SAMD8: variants seen among roughly 807,000 people sequenced by gnomAD.
SAMD8 encodes the protein sterile alpha motif domain containing 8.
In SAMD8, 20 loss-of-function variants were observed where a neutral mutation model predicts 42.0. The ratio of observed to expected loss-of-function variants is 0.48; its 90% CI spans 0.34 to 0.69. The LOEUF (loss-of-function observed/expected upper bound fraction) is 0.69, where lower values mean the gene tolerates loss of function less well. Ranked by LOEUF, SAMD8 falls within the 30% of genes least tolerant of loss-of-function variation. The probability of loss-of-function intolerance (pLI) is 0.01; values close to 1 mark genes in which losing one functional copy is unlikely to be tolerated. For missense variants in SAMD8, 328 were observed against 511.6 expected (o/e 0.64, Z 3.46); for synonymous variants, 162 against 173.0 (o/e 0.94, Z 0.50).
intron 1 of SAMD8, among the ~76,000 whole-genome samples, chr10:75,117,541 C>T (rs1352620676): frequency 6.6e-6 from 1 of 152,022 alleles, no homozygotes; most frequent in East Asian, 1.9e-4. Flanking sequence ...ATGGTGAAAC[C>T]TTTTCTCTGC....
At chr10:75,140,475 C>G (rs75906512) in intron 1 of SAMD8, among the ~76,000 whole-genome samples, 4,346 of 152,282 alleles carry the variant, frequency 0.029, 230 homozygotes, top group African/African-American at 0.099. Context: ...TGTAATCCCA[C>G]CTAATCATGG....
chr10:75,112,206 C>G (rs551682412), intron 1 of SAMD8, among the ~76,000 whole-genome samples: 2 of 152,234 alleles, frequency 1.3e-5, no homozygotes, highest in East Asian at 3.9e-4. Context: ...ACGGAGCCCT[C>G]TTATCCGCCT....
At chr10:75,115,038 C>T (rs982657527) in intron 1 of SAMD8, among the ~76,000 whole-genome samples, 7 of 152,188 alleles carry the variant, frequency 4.6e-5, no homozygotes, top group African/African-American at 1.7e-4. Context: ...GAGGACTATA[C>T]TATTTCATTC....
At chr10:75,146,272 CTTTTTTTTTTTTTTTTTTT>C (rs202162176) in intron 1 of SAMD8, among the ~76,000 whole-genome samples, 1 of 68,124 alleles carries the variant, frequency 1.5e-5, no homozygotes, top group South Asian at 5.6e-4. Flanking sequence ...TGTCTTGACA[CTTTTTTTTTTTTTTTTTTT>C]TTTTTTTTTG....
In SAMD8 at chr10:75,104,148, C is replaced by A. The variant is rs139359801; in HGVS notation, c.-16+4420C>A. 28 of 1,265,326 alleles carry A rather than the reference C, an allele frequency of 2.2e-5. No homozygotes were observed. The East Asian group carries it at 1.5e-3, about 68-fold the overall frequency. The allele number at this position is 1,265,326 out of a possible 1,614,324, so 78.4% of individuals were successfully genotyped here. A position where few individuals can be genotyped will look rare whatever the true frequency, so the allele number is the denominator to read the frequency against. ...ACAGGCAGGTGAACCAAGGCCCAGG[C>A]TGGCTGGGACTTGTTGGGGCAGGGA... On this transcript the variant is annotated intron_variant, in intron 1 of 3. Transcript: ENST00000447533.
intron 2 of SAMD8, among the ~76,000 whole-genome samples, chr10:75,154,930 T>C (rs1444986549): frequency 6.6e-6 from 1 of 152,188 alleles, no homozygotes; most frequent in African/African-American, 2.4e-5. Flanking sequence ...TCTCACTCTG[T>C]TCTCCAGGCT....
chr10:75,172,520 C>T (rs1201349082), intron 4 of SAMD8, among the ~76,000 whole-genome samples: 1 of 150,606 alleles, frequency 6.6e-6, no homozygotes, highest in Admixed American at 6.6e-5. Flanking sequence ...TTTTTTTAGA[C>T]GGAGTCTTTC....
intron 1 of SAMD8, among the ~76,000 whole-genome samples, chr10:75,100,894 C>T (rs1848120037): frequency 6.6e-6 from 1 of 152,262 alleles, no homozygotes; most frequent in Admixed American, 6.5e-5. Flanking sequence ...GTGCCCAAGA[C>T]ATCGGGCAGA....
chr10:75,105,829 G>A (rs1173272258), intron 1 of SAMD8: 1 of 1,550,752 alleles, frequency 6.4e-7, no homozygotes, highest in South Asian at 1.2e-5. Context: ...CAGCGTGGCA[G>A]AGCGGCTCAC....
At chr10:75,118,619 G>A in intron 1 of SAMD8, among the ~76,000 whole-genome samples, 1 of 152,138 alleles carries the variant, frequency 6.6e-6, no homozygotes, top group East Asian at 1.9e-4. Flanking sequence ...ATTCCAGCCT[G>A]GGCGACAGAG....
intron 1 of SAMD8, among the ~76,000 whole-genome samples, chr10:75,141,477 A>C (rs550180686): frequency 6.6e-6 from 1 of 152,010 alleles, no homozygotes; most frequent in Non-Finnish European, 1.5e-5. Context: ...TTTCAACATA[A>C]ATAATCAAGT....
At chr10:75,116,794 A>C (rs960917057) in intron 1 of SAMD8, among the ~76,000 whole-genome samples, 9 of 152,106 alleles carry the variant, frequency 5.9e-5, no homozygotes, top group African/African-American at 2.2e-4. Flanking sequence ...TATATTGATT[A>C]GATTTTGGAT....
intron 4 of SAMD8, among the ~76,000 whole-genome samples, chr10:75,172,342 GTTTTT>G (rs778792347): frequency 3.3e-5 from 5 of 151,890 alleles, no homozygotes; most frequent in Non-Finnish European, 7.4e-5. Context: ...TTTAGTCATT[GTTTTT>G]TTAAGACAGA....
At chr10:75,104,655 C>T (rs1403702002) in intron 1 of SAMD8, among the ~76,000 whole-genome samples, 1 of 152,178 alleles carries the variant, frequency 6.6e-6, no homozygotes, top group African/African-American at 2.4e-5. Context: ...AGACCTTCTA[C>T]CCACAGAGCT....
upstream of SAMD8, chr10:75,107,879 A>G: frequency 7.7e-7 from 1 of 1,293,808 alleles, no homozygotes. Context: ...ACACGGCCTA[A>G]GCAGAGGATT....
chr10:75,116,529 G>C (rs1313876184), intron 1 of SAMD8, among the ~76,000 whole-genome samples: 1 of 152,180 alleles, frequency 6.6e-6, no homozygotes, highest in East Asian at 1.9e-4. Context: ...AGTTGGAGGT[G>C]AGAACCATGG....
intron 1 of SAMD8, among the ~76,000 whole-genome samples, chr10:75,146,283 T>C (rs1369329454): frequency 1.4e-5 from 2 of 141,702 alleles, no homozygotes; most frequent in Admixed American, 7.1e-5. Flanking sequence ...TTTTTTTTTT[T>C]TTTTTTTTTT....
chr10:75,139,035 A>T (rs1447557603), intron 1 of SAMD8, among the ~76,000 whole-genome samples: 1 of 147,296 alleles, frequency 6.8e-6, no homozygotes, highest in Non-Finnish European at 1.5e-5. Flanking sequence ...AACTCAGTTC[A>T]CTGCCACCTC....
chr10:75,145,989 T>C (rs1157647417), intron 1 of SAMD8, among the ~76,000 whole-genome samples: 2 of 152,196 alleles, frequency 1.3e-5, no homozygotes, highest in East Asian at 3.9e-4. Flanking sequence ...ATACATGTGC[T>C]GATAGGCATT....
Sources: gnomAD v4.1 joint callset for allele counts (sites outside exome capture counted in the v4.1 genomes callset) on GRCh38, gnomAD v4.1.1 for gene constraint, MANE v1.5 for transcripts, NCBI Gene and HGNC (gene_info 2026-07-23, HGNC 2026-07-21) for gene names.